Variants in IPP observed in about 807,000 individuals in gnomAD.
The protein encoded by IPP is intracisternal A particle-promoted polypeptide, also known as actin-binding protein IPP.
IPP carries 41 observed loss-of-function variants against 64.1 expected under a neutral mutation model. That is an observed-to-expected ratio of 0.64 (90% confidence interval 0.50 to 0.83). The LOEUF is 0.83. Among genes scored for constraint, IPP ranks in the 40% least tolerant of loss-of-function variants. The probability of loss-of-function intolerance (pLI) is 0.00; values close to 1 mark genes in which losing one functional copy is unlikely to be tolerated. For synonymous variants in IPP, 214 were observed against 235.2 expected (o/e 0.91, Z 0.83); for missense variants, 649 against 703.0 (o/e 0.92, Z 0.87).
At chr1:45,701,911 T>C (rs1645460214) in intron 8 of IPP, among the ~76,000 whole-genome samples, 1 of 152,146 alleles carries the variant, frequency 6.6e-6, no homozygotes, top group South Asian at 2.1e-4. Flanking sequence ...AATAAGATTA[T>C]GAAATACTAA....
intron 8 of IPP, 114 bp downstream of exon 8, chr1:45,714,132 G>A: frequency 1.4e-6 from 1 of 699,694 alleles, no homozygotes. Context: ...AGAAAAAAGG[G>A]GAAAAAAATC....
At chr1:45,711,297 C>T (rs537291255) in intron 8 of IPP, among the ~76,000 whole-genome samples, 4 of 151,940 alleles carry the variant, frequency 2.6e-5, no homozygotes, top group East Asian at 1.9e-4. Context: ...GCCAAGATCA[C>T]GCCATTGCAC....
At chr1:45,740,494 C>A (rs1202197960) in intron 3 of IPP, among the ~76,000 whole-genome samples, 1 of 152,020 alleles carries the variant, frequency 6.6e-6, no homozygotes, top group Non-Finnish European at 1.5e-5. Flanking sequence ...GCTGGCCGGG[C>A]GGGGGGCTGA....
intron 3 of IPP, among the ~76,000 whole-genome samples, chr1:45,734,721 G>C (rs1468987533): frequency 6.6e-6 from 1 of 152,044 alleles, no homozygotes; most frequent in East Asian, 1.9e-4. Context: ...CTGGGTTCAA[G>C]CAATTCTCCT....
intron 1 of IPP, among the ~76,000 whole-genome samples, chr1:45,747,834 CAAAAAAAAAAAA>C (rs60576414): frequency 8.1e-4 from 32 of 39,294 alleles, no homozygotes; most frequent in African/African-American, 2.0e-3. Flanking sequence ...GACTCTGTCT[CAAAAAAAAAAAA>C]AAAAAAAAAA....
chr1:45,696,167 C>T (rs926779961), downstream of IPP, among the ~76,000 whole-genome samples: 1 of 152,196 alleles, frequency 6.6e-6, no homozygotes, highest in Non-Finnish European at 1.5e-5. Context: ...CCTAATTTTA[C>T]TTAAAAATGC....
At chr1:45,717,952 G>A (rs1455970147) in intron 6 of IPP, among the ~76,000 whole-genome samples, 1 of 152,228 alleles carries the variant, frequency 6.6e-6, no homozygotes, top group Non-Finnish European at 1.5e-5. Context: ...AGGTTTGGAT[G>A]AGGGGAAGAC....
At chr1:45,723,953 G>A (rs28508523) in intron 5 of IPP, among the ~76,000 whole-genome samples, 49,396 of 148,270 alleles carry the variant, frequency 0.33, 8,700 homozygotes, top group African/African-American at 0.42. Context: ...CTTGAGCTCA[G>A]GAGTTCCTCT....
At chr1:45,724,109 G>A (rs1008582879) in intron 5 of IPP, among the ~76,000 whole-genome samples, 3 of 151,256 alleles carry the variant, frequency 2.0e-5, no homozygotes, top group Non-Finnish European at 4.4e-5. Flanking sequence ...AGCCTGCCGA[G>A]CGCCTGCAAT....
At chr1:45,721,626 A>G (rs1175530596) in intron 5 of IPP, among the ~76,000 whole-genome samples, 1 of 152,238 alleles carries the variant, frequency 6.6e-6, no homozygotes, top group Non-Finnish European at 1.5e-5. Flanking sequence ...TTAGCTGTGG[A>G]GACAATTACA....
chr1:45,740,045 A>C (rs191352413), intron 3 of IPP, among the ~76,000 whole-genome samples: 2,384 of 152,276 alleles, frequency 0.016, 31 homozygotes, highest in Middle Eastern at 0.027. Context: ...TGCTGCCTTC[A>C]AGCATCTGTT....
At chr1:45,717,793 G>A (rs1360647719) in intron 6 of IPP, among the ~76,000 whole-genome samples, 1 of 152,106 alleles carries the variant, frequency 6.6e-6, no homozygotes, top group Non-Finnish European at 1.5e-5. Flanking sequence ...GATTACAGGC[G>A]TAAGCCACCA....
intron 3 of IPP, among the ~76,000 whole-genome samples, chr1:45,737,864 C>G (rs975407452): frequency 1.3e-5 from 2 of 151,968 alleles, no homozygotes; most frequent in Non-Finnish European, 2.9e-5. Context: ...CACATAGGTA[C>G]TTTATCATCT....
chr1:45,713,404 T>C (rs558777030), intron 8 of IPP, among the ~76,000 whole-genome samples: 1 of 151,932 alleles, frequency 6.6e-6, no homozygotes, highest in South Asian at 2.1e-4. Flanking sequence ...CCACTAAAAA[T>C]ATAAAACTAG....
At position 45,700,341 on chromosome 1, in the gene IPP, T is replaced by C. The variant is rs1053980470; in HGVS notation, c.1531-151A>G. ...GCATACAGATTTTTTTTTCTTTTTT[T>C]TGCTTTGTTTTTTCCTTGGAGACAG... On this transcript the variant is annotated intron_variant, in intron 8 of 8. Coordinates refer to ENST00000396478, the MANE Select transcript of IPP (RefSeq NM_005897.3). The C allele has an allele frequency of 3.4e-6, 4 of 1,174,532 alleles. No homozygotes were observed. In the African/African-American group the frequency reaches 6.2e-5, roughly 18 times the overall value. 72.8% of individuals were successfully genotyped at this position (1,174,532 alleles called of 1,614,324 possible). A position where few individuals can be genotyped will look rare whatever the true frequency, so the allele number is the denominator to read the frequency against.
At chr1:45,746,021 A>G in intron 2 of IPP, 99 bp downstream of exon 2, 1 of 1,032,258 alleles carries the variant, frequency 9.7e-7, no homozygotes, top group Non-Finnish European at 1.4e-6. Context: ...CATGTTGCTA[A>G]ATTACCTTCT....
chr1:45,716,759 G>C, intron 7 of IPP, 136 bp downstream of exon 7: 1 of 616,194 alleles, frequency 1.6e-6, no homozygotes, highest in Non-Finnish European at 2.7e-6. Context: ...GAGGTAAAAA[G>C]CAGAACTTCT....
chr1:45,706,869 T>G (rs749961899), intron 8 of IPP, among the ~76,000 whole-genome samples: 1 of 152,240 alleles, frequency 6.6e-6, no homozygotes, highest in Non-Finnish European at 1.5e-5. Context: ...AGCAGCATAA[T>G]ATTTACAATG....
rs753521095 is a variant in IPP, at chr1:45,719,326, T to C, written c.1063A>G (p.Met355Val). The C allele has an allele frequency of 6.9e-6, 11 of 1,595,406 alleles. No individual in the cohort carries two copies. Among genetic ancestry groups the C allele is most frequent in the South Asian group, 3.4e-5 (3 of 87,768 alleles). ...TAGCATTCAGTACAATCAAAAATCA[T>C]TGAATCCTTTTCACCTGAGTTAAAT... is the stretch of plus-strand genomic sequence containing the variant. ...VYAIGGEKDS[M>V]IFDCTECYDP... is the part of the protein sequence containing the mutation. The change falls in exon 6 of 9, where the codon ATG (methionine) becomes GTG (valine). Residue 355 changes from methionine (M) to valine (V), a missense_variant. Coordinates refer to ENST00000396478, the MANE Select transcript of IPP (RefSeq NM_005897.3).
Sources: gnomAD v4.1 joint callset for allele counts (sites outside exome capture counted in the v4.1 genomes callset) on GRCh38, gnomAD v4.1.1 for gene constraint, MANE v1.5 for transcripts, NCBI Gene and HGNC (gene_info 2026-07-23, HGNC 2026-07-21) for gene names.